ZNF835: variants seen among roughly 807,000 people sequenced by gnomAD.
ZNF835 encodes the protein zinc finger protein 835.
For missense variants in ZNF835, 783 were observed against 758.4 expected (o/e 1.03, Z -0.38); for synonymous variants, 323 against 324.7 (o/e 0.99, Z 0.06).
rs1446348774 is a variant in ZNF835 at position 56,662,299 on chromosome 19, G to A, written c.*1286C>T. On this transcript the variant is annotated 3_prime_UTR_variant, in exon 2 of 2. Coordinates refer to ENST00000537055, the MANE Select transcript of ZNF835 (RefSeq NM_001005850.3). Reference sequence around the variant, plus strand: ...CCCTCCTGGTCCAGGTCCAGACCAAGCCTGGTCCAGACCAACAGAACCAGC... The same window carrying A: ...CCCTCCTGGTCCAGGTCCAGACCAAACCTGGTCCAGACCAACAGAACCAGC... The A allele has an allele frequency of 1.3e-5, 2 of 152,224 alleles. No individual in the cohort carries two copies. Among genetic ancestry groups the A allele is most frequent in the Non-Finnish European group, 2.9e-5 (2 of 68,062 alleles). The allele number at this position is 152,224 out of a possible 1,614,324, so 9.4% of individuals were successfully genotyped here.
At chr19:56,668,363 G>A (rs1026705081) in intron 1 of ZNF835, among the ~76,000 whole-genome samples, 1 of 135,774 alleles carries the variant, frequency 7.4e-6, no homozygotes, top group African/African-American at 2.9e-5. Flanking sequence ...CTAAAATAGG[G>A]CTTTTTTTTT....
rs2045235772 is a variant in ZNF835, at chr19:56,665,220, C to A, written c.-22G>T. On this transcript the variant is annotated 5_prime_UTR_variant, in exon 2 of 2. Transcript: ENST00000537055. ...CCATCCTCGATCCCTGGGCTGCTGT[C>A]TTGATCTCACATCTTTTCTCTGGGT... 6.2e-7 allele frequency: 1 copy of A among 1,612,768 alleles called. No homozygotes were observed.
intron 1 of ZNF835, among the ~76,000 whole-genome samples, chr19:56,667,348 G>A (rs1043877752): frequency 2.0e-5 from 3 of 152,208 alleles, no homozygotes; most frequent in African/African-American, 2.4e-5. Flanking sequence ...GCAGCTGCCT[G>A]TGGATCCACT....
intron 1 of ZNF835, among the ~76,000 whole-genome samples, chr19:56,669,324 AGTTTAGGGTGGTTAT>A (rs1294036373): frequency 6.6e-6 from 1 of 152,068 alleles, no homozygotes; most frequent in Non-Finnish European, 1.5e-5. Flanking sequence ...GCAAACCCTA[AGTTTAGGGTGGTTAT>A]GGGGGTTCCA....
intron 1 of ZNF835, among the ~76,000 whole-genome samples, chr19:56,668,584 G>A (rs953578041): frequency 8.6e-5 from 13 of 152,006 alleles, no homozygotes; most frequent in Admixed American, 3.9e-4. Flanking sequence ...TGCTCTTCCC[G>A]CAGCGTGTGC....
Position 56,671,537 on chromosome 19 carries a change from G to A in ZNF835, c.-48+39C>T, listed in dbSNP as rs1232107499. 2.0e-5 allele frequency: 3 copies of A among 152,576 alleles called. No individual in the cohort carries two copies. The East Asian group carries it at 5.8e-4, about 29-fold the overall frequency. The allele number at this position is 152,576 out of a possible 1,614,324, so 9.5% of individuals were successfully genotyped here. A position where few individuals can be genotyped will look rare whatever the true frequency, so the allele number is the denominator to read the frequency against. Reference sequence around the variant, plus strand: ...ATGGCACTCGGGGACGGGCTCACACGCGGTCACACACCTGCAGGAACACGC... The same window carrying A: ...ATGGCACTCGGGGACGGGCTCACACACGGTCACACACCTGCAGGAACACGC... On this transcript the variant is annotated intron_variant, in intron 1 of 1. Transcript: ENST00000537055.
intron 1 of ZNF835, among the ~76,000 whole-genome samples, chr19:56,670,440 GC>G (rs1426423671): frequency 6.6e-6 from 1 of 151,888 alleles, no homozygotes; most frequent in Non-Finnish European, 1.5e-5. Flanking sequence ...ACACACAGTC[GC>G]CCTCCTAACC....
Position 56,662,749 on chromosome 19 carries a change from G to C in ZNF835, c.*836C>G, listed in dbSNP as rs1371965345. ...AACAATGAAAAGGCCAGCTGGCCAG[G>C]CACCGTAGCTCAGGCCTGTAGTCCC... On this transcript the variant is annotated 3_prime_UTR_variant, in exon 2 of 2. Transcript: ENST00000537055. 1 of 152,238 alleles carries C rather than the reference G, an allele frequency of 6.6e-6. No individual in the cohort carries two copies. 9.4% of individuals were successfully genotyped at this position (152,238 alleles called of 1,614,324 possible). A position where few individuals can be genotyped will look rare whatever the true frequency, so the allele number is the denominator to read the frequency against.
At position 56,665,230 on chromosome 19, in the gene ZNF835, C is replaced by T. The variant is rs1386009336; in HGVS notation, c.-32G>A. On this transcript the variant is annotated 5_prime_UTR_variant, in exon 2 of 2. In the 5' UTR this introduces an upstream ATG that the reference lacks. Transcript: ENST00000537055. ...TCCCTGGGCTGCTGTCTTGATCTCA[C>T]ATCTTTTCTCTGGGTCTGAAAAGAA... 84 of 1,611,106 alleles carry T rather than the reference C, an allele frequency of 5.2e-5. No homozygotes were observed. The highest frequency in any genetic ancestry group is 7.0e-5 in the Non-Finnish European group (82 of 1,179,256).
chr19:56,665,429 C>G (rs1247525715), intron 1 of ZNF835, 184 bp from the exon 2 acceptor site: 1 of 747,762 alleles, frequency 1.3e-6, no homozygotes, highest in Admixed American at 1.7e-5. Context: ...TGTTGAGCAG[C>G]GTCCCTGGTC....
At position 56,662,977 on chromosome 19, in the gene ZNF835, G is replaced by A. The variant is rs62130945; in HGVS notation, c.*608C>T. 43,729 of 152,044 alleles carry A rather than the reference G, an allele frequency of 0.29. 6,424 individuals are homozygous for A. Among genetic ancestry groups the A allele is most frequent in the East Asian group, 0.46 (2,375 of 5,126 alleles). The allele number at this position is 152,044 out of a possible 1,614,324, so 9.4% of individuals were successfully genotyped here. A position where few individuals can be genotyped will look rare whatever the true frequency, so the allele number is the denominator to read the frequency against. On this transcript the variant is annotated 3_prime_UTR_variant, in exon 2 of 2. Coordinates refer to ENST00000537055, the MANE Select transcript of ZNF835 (RefSeq NM_001005850.3). The stretch of plus-strand genomic sequence containing the variant: ...GATCGAGACCATCCTAGCCAACATG[G>A]TGAAACCCCGCCTCTACTAAAATAC...
In ZNF835 at chr19:56,663,829, T is replaced by C. The variant is rs1228840845; in HGVS notation, c.1370A>G (p.Asn457Ser). Reference protein sequence around the residue: ...TCPECGKAFSNRSYLIQHHIV... With the variant: ...TCPECGKAFSSRSYLIQHHIV... ...GTGGTGCTGGATCAGGTAGGAGCGG[T>C]TGCTGAAGGCCTTGCCGCACTCGGG... is the stretch of plus-strand genomic sequence containing the variant. Residue 457 changes from asparagine (N) to serine (S), a missense_variant, in exon 2 of 2, where the codon AAC (asparagine) becomes AGC (serine). Asn to Ser is a conservative substitution (Grantham distance 46). Coordinates refer to ENST00000537055, the MANE Select transcript of ZNF835 (RefSeq NM_001005850.3). 1 of 1,613,926 alleles carries C rather than the reference T, an allele frequency of 6.2e-7. No homozygotes were observed. The highest frequency in any genetic ancestry group is 1.3e-5 in the African/African-American group (1 of 75,042).
intron 1 of ZNF835, among the ~76,000 whole-genome samples, chr19:56,667,982 GT>G (rs759358823): frequency 1.3e-5 from 2 of 151,776 alleles, no homozygotes; most frequent in Admixed American, 1.3e-4. Flanking sequence ...TTCTTTTTTT[GT>G]TTTTTTGTTT....
rs376493436 is a variant in ZNF835 at position 56,664,495 on chromosome 19, G to C, written c.704C>G (p.Ser235Trp). ...AQCAKAFRNR[S>W]SLIEHQRIHT... is the part of the protein sequence containing the mutation. ...GATGCGCTGGTGCTCTATCAGGGACGAGCGGTTGCGGAACGCCTTGGCGCA... is the reference window on the plus strand; with the variant it reads ...GATGCGCTGGTGCTCTATCAGGGACCAGCGGTTGCGGAACGCCTTGGCGCA... The change falls in exon 2 of 2, where the codon TCG becomes TGG. Residue 235 changes from serine to tryptophan, a missense_variant. Ser to Trp is a radical substitution (Grantham distance 177). Coordinates refer to ENST00000537055, the MANE Select transcript of ZNF835 (RefSeq NM_001005850.3). 5.6e-6 allele frequency: 9 copies of C among 1,611,830 alleles called. No homozygotes were observed. The highest frequency in any genetic ancestry group is 1.3e-5 in the African/African-American group (1 of 74,448).
In ZNF835 at chr19:56,663,890, G is replaced by A. The variant is rs775750670; in HGVS notation, c.1309C>T (p.Gln437Ter). ...FSQGSSLALH[Q>*]RTHTGERPYT... ...GGCCGCTCGCCCGTGTGCGTGCGCTGGTGCAGGGCGAGCGAGGAGCCCTGG... is the reference window on the plus strand; with the variant it reads ...GGCCGCTCGCCCGTGTGCGTGCGCTAGTGCAGGGCGAGCGAGGAGCCCTGG... The change falls in exon 2 of 2, where the codon CAG becomes TAG. Residue 437 changes from glutamine to a stop codon, truncating the protein, a stop_gained. Coordinates refer to ENST00000537055, the MANE Select transcript of ZNF835 (RefSeq NM_001005850.3). LOFTEE classifies it low-confidence loss of function (END_TRUNC). The A allele has an allele frequency of 1.2e-6, 2 of 1,612,958 alleles. No individual in the cohort carries two copies. The highest frequency in any genetic ancestry group is 4.5e-5 in the East Asian group (2 of 44,836).
chr19:56,666,850 G>A (rs1328671393), intron 1 of ZNF835, among the ~76,000 whole-genome samples: 1 of 152,114 alleles, frequency 6.6e-6, no homozygotes, highest in Non-Finnish European at 1.5e-5. Context: ...GGAGAAGGCG[G>A]CCATCTGTAA....
Position 56,662,376 on chromosome 19 carries a change from T to A in ZNF835, c.*1209A>T, listed in dbSNP as rs1432709138. On this transcript the variant is annotated 3_prime_UTR_variant, in exon 2 of 2. Coordinates refer to ENST00000537055, the MANE Select transcript of ZNF835 (RefSeq NM_001005850.3). ...AGTAAATGGATAAATGAGGGCTGGA[T>A]GGTTTGTTACACAGCAAGAGCTGAC... The A allele has an allele frequency of 2.6e-5, 4 of 152,212 alleles. No individual in the cohort carries two copies. The highest frequency in any genetic ancestry group is 5.9e-5 in the Non-Finnish European group (4 of 68,050). The allele number at this position is 152,212 out of a possible 1,614,324, so 9.4% of individuals were successfully genotyped here.
At position 56,664,352 on chromosome 19, in the gene ZNF835, A is replaced by G. The variant is rs780969370; in HGVS notation, c.847T>C (p.Cys283Arg). 6.2e-7 allele frequency: 1 copy of G among 1,608,152 alleles called. No homozygotes were observed. The highest frequency in any genetic ancestry group is 8.5e-7 in the Non-Finnish European group (1 of 1,177,380). The stretch of plus-strand genomic sequence containing the variant: ...GCGATCTGCGCGAAGGCCTTGGCGC[A>G]CTGGCCGCAGCGGTAGGGCTTCTCC... ...TEEKPYRCGQCAKAFAQIAHL... is the reference protein window; with the variant it reads ...TEEKPYRCGQRAKAFAQIAHL... The change falls in exon 2 of 2, where the codon TGC (cysteine) becomes CGC (arginine). Residue 283 changes from cysteine to arginine, a missense_variant. Cys to Arg is a radical substitution (Grantham distance 180). Transcript: ENST00000537055.
rs771893107 is a variant in ZNF835 at position 56,664,977 on chromosome 19, G to A, written c.222C>T (p.Val74=). 1 of 1,614,066 alleles carries A rather than the reference G, an allele frequency of 6.2e-7. No homozygotes were observed. The highest frequency in any genetic ancestry group is 8.5e-7 in the Non-Finnish European group (1 of 1,179,898). ...ACCTCCGGGAACTGCTGTCGTCGGGGACACTGGCTTGGGTAGCAGCAGGGC... is the reference window on the plus strand; with the variant it reads ...ACCTCCGGGAACTGCTGTCGTCGGGAACACTGGCTTGGGTAGCAGCAGGGC... The part of the protein sequence containing the change: ...ISSPAATQAS[V]PDDSSSRRCS... The change falls in exon 2 of 2, where the codon GTC becomes GTT. Residue 74 remains valine, a synonymous_variant. Transcript: ENST00000537055.
Sources: gnomAD v4.1 joint callset for allele counts (sites outside exome capture counted in the v4.1 genomes callset) on GRCh38, gnomAD v4.1.1 for gene constraint, MANE v1.5 for transcripts, NCBI Gene and HGNC (gene_info 2026-07-23, HGNC 2026-07-21) for gene names.